The following VPS13A variants were observed in gnomAD, a reference collection of about 807,000 sequenced individuals.
VPS13A encodes vacuolar protein sorting 13 homolog A.
Under a neutral mutation model 390.9 loss-of-function variants are expected in VPS13A, and 264 were observed. That is an observed-to-expected ratio of 0.68 (90% confidence interval 0.61 to 0.75). The LOEUF is 0.75. Ranked by LOEUF, VPS13A falls within the 30% of genes least tolerant of loss-of-function variation. The pLI is 0.00. For missense variants in VPS13A, 3,409 were observed against 3,733.9 expected, an observed-to-expected ratio of 0.91 and a Z score of 2.27; for synonymous variants, 1,231 against 1,227.1, an observed-to-expected ratio of 1.00 and a Z score of -0.07.
chr9:77,313,205 A>T (rs533073161), intron 35 of VPS13A, among the ~76,000 whole-genome samples: 45 of 152,324 alleles, frequency 3.0e-4, no homozygotes, highest in Admixed American at 2.5e-3. Flanking sequence ...TATGGAATTT[A>T]AAAAATATAC....
At chr9:77,254,089 G>GC (rs1017721947) in intron 22 of VPS13A, among the ~76,000 whole-genome samples, 7 of 151,284 alleles carry the variant, frequency 4.6e-5, no homozygotes, top group African/African-American at 1.5e-4. Context: ...GACTACAGGC[G>GC]CCCGCCACCA....
chr9:77,251,732 T>C (rs532617011), intron 21 of VPS13A, among the ~76,000 whole-genome samples: 2 of 152,278 alleles, frequency 1.3e-5, no homozygotes, highest in East Asian at 3.9e-4. Flanking sequence ...ACATTTAGGC[T>C]CGTAACTCTG....
intron 19 of VPS13A, among the ~76,000 whole-genome samples, chr9:77,246,160 C>T (rs1416924790): frequency 2.6e-5 from 4 of 152,150 alleles, no homozygotes; most frequent in Admixed American, 6.5e-5. Flanking sequence ...AAATCCCAAA[C>T]TGTAGCACAG....
At chr9:77,337,196 T>A in intron 46 of VPS13A, 59 bp from the exon 47 acceptor site, 1 of 1,471,744 alleles carries the variant, frequency 6.8e-7, no homozygotes, top group Non-Finnish European at 9.2e-7. Flanking sequence ...GCTGTAATTA[T>A]ATAGTTTAAT....
At position 77,178,044 on chromosome 9, in the gene VPS13A, A is replaced by G. The variant is rs185099484; in HGVS notation, c.100+240A>G. The G allele has an allele frequency of 8.0e-4, 372 of 467,622 alleles. 2 individuals are homozygous for G. The highest frequency in any genetic ancestry group is 5.9e-3 in the African/African-American group (292 of 49,620). The allele number at this position is 467,622 out of a possible 1,614,324, so 29.0% of individuals were successfully genotyped here. On this transcript the variant is annotated intron_variant, in intron 1 of 71. Transcript: ENST00000360280. ...TCATGAGTGCGGGATGAAAAGGTCT[A>G]TATTTTCCGAGCGGAGCGGACTTGC...
intron 1 of VPS13A, among the ~76,000 whole-genome samples, chr9:77,182,064 C>G (rs1042665254): frequency 5.3e-5 from 8 of 152,050 alleles, no homozygotes; most frequent in African/African-American, 1.7e-4. Flanking sequence ...TGAAATTTAT[C>G]TTCCCAACTT....
At chr9:77,187,349 A>G (rs1478644081) in intron 1 of VPS13A, among the ~76,000 whole-genome samples, 1 of 152,184 alleles carries the variant, frequency 6.6e-6, no homozygotes, top group Admixed American at 6.5e-5. Context: ...ATTCCTACCA[A>G]CAGTGTACAA....
chr9:77,410,251 AT>A (rs1167894395), intron 71 of VPS13A, among the ~76,000 whole-genome samples: 1 of 152,118 alleles, frequency 6.6e-6, no homozygotes. Context: ...ATGCTGAGAG[AT>A]TTTGTCACCA....
chr9:77,272,594 G>T (rs924941187), intron 23 of VPS13A, among the ~76,000 whole-genome samples: 2 of 152,148 alleles, frequency 1.3e-5, no homozygotes, highest in South Asian at 4.1e-4. Flanking sequence ...TGTCATATAT[G>T]CTACAGTTTG....
chr9:77,340,339 CTTAA>C (rs1830746953), intron 49 of VPS13A, 57 bp downstream of exon 49: 1 of 1,598,178 alleles, frequency 6.3e-7, no homozygotes, highest in African/African-American at 1.3e-5. Context: ...CTATTAACTA[CTTAA>C]TTAAATTTTA....
rs751267034 is a variant in VPS13A, at chr9:77,382,255, A to G, written c.9189+168A>G. 3.4e-6 allele frequency: 5 copies of G among 1,475,480 alleles called. No individual in the cohort carries two copies. The Admixed American group carries it at 1.2e-4, about 37-fold the overall frequency. 91.4% of individuals were successfully genotyped at this position (1,475,480 alleles called of 1,614,324 possible). ...ATTTTAAAGTACATTTATTTACTATAAGATTTTTTTTTCTTTTTTACAGGC... is the reference window on the plus strand; with the variant it reads ...ATTTTAAAGTACATTTATTTACTATGAGATTTTTTTTTCTTTTTTACAGGC... On this transcript the variant is annotated intron_variant, in intron 68 of 71. Transcript: ENST00000360280.
chr9:77,403,814 G>A (rs1394118557), intron 69 of VPS13A, among the ~76,000 whole-genome samples: 1 of 152,180 alleles, frequency 6.6e-6, no homozygotes, highest in African/African-American at 2.4e-5. Flanking sequence ...AGCCTCAGAG[G>A]GGCAAGTGTG....
At chr9:77,229,346 G>C (rs1386282562) in intron 17 of VPS13A, among the ~76,000 whole-genome samples, 6 of 152,192 alleles carry the variant, frequency 3.9e-5, no homozygotes, top group Non-Finnish European at 5.9e-5. Flanking sequence ...CTCCCGAAGT[G>C]CTGGAATTAC....
chr9:77,393,018 T>A (rs1833964119), intron 68 of VPS13A, among the ~76,000 whole-genome samples: 1 of 152,166 alleles, frequency 6.6e-6, no homozygotes, highest in Non-Finnish European at 1.5e-5. Context: ...TGCTGTTTGA[T>A]AGCATTTTAC....
intron 40 of VPS13A, 150 bp downstream of exon 40, chr9:77,317,848 T>C (rs1829494302): frequency 3.8e-6 from 2 of 527,198 alleles, no homozygotes; most frequent in Non-Finnish European, 6.6e-6. Context: ...TACAAAGTAA[T>C]ATTATTTAAT....
At chr9:77,201,621 A>G (rs1389995765) in intron 3 of VPS13A, among the ~76,000 whole-genome samples, 2 of 152,146 alleles carry the variant, frequency 1.3e-5, no homozygotes, top group African/African-American at 2.4e-5. Context: ...AATACATTAC[A>G]TATCTCTTTA....
At chr9:77,231,122 GT>G (rs1365441568) in intron 17 of VPS13A, among the ~76,000 whole-genome samples, 2 of 152,032 alleles carry the variant, frequency 1.3e-5, no homozygotes, top group African/African-American at 4.8e-5. Flanking sequence ...AGTTCAATGA[GT>G]TTTTTTAGTT....
chr9:77,409,235 C>T lies in VPS13A; in HGVS notation c.9474+1628C>T, dbSNP rs144573045. Among the ~76,000 whole-genome samples, 1,288 of 152,306 alleles carry T rather than the reference C, an allele frequency of 8.5e-3. 20 individuals are homozygous for T. The highest frequency in any genetic ancestry group is 0.029 in the African/African-American group (1,203 of 41,556). On this transcript the variant is annotated intron_variant, in intron 71 of 71. Transcript: ENST00000360280. ...TCCAACAGACCTGCAGCTGAGGGTC[C>T]TGACTGTTTGTTAGAAGGAAAACTA... is the stretch of plus-strand genomic sequence containing the variant.
intron 68 of VPS13A, among the ~76,000 whole-genome samples, chr9:77,386,052 T>A (rs1377704015): frequency 2.0e-5 from 3 of 152,186 alleles, no homozygotes; most frequent in African/African-American, 7.2e-5. Context: ...AAAGTTGTTT[T>A]AAAAAACTGT....
Sources: gnomAD v4.1 joint callset for allele counts (sites outside exome capture counted in the v4.1 genomes callset) on GRCh38, gnomAD v4.1.1 for gene constraint, MANE v1.5 for transcripts, NCBI Gene and HGNC (gene_info 2026-07-23, HGNC 2026-07-21) for gene names.